PCSK5: variants seen among roughly 807,000 people sequenced by gnomAD.
PCSK5 encodes the protein proprotein convertase subtilisin/kexin type 5, also known as prohormone convertase 5.
In PCSK5, 129 loss-of-function variants were observed where a neutral mutation model predicts 233.2. The observed-to-expected ratio is 0.55, with a 90% CI of 0.48 to 0.64. PCSK5 has a LOEUF of 0.64. PCSK5 is among the 30% of genes least tolerant of loss of function. The pLI is 0.00. For missense variants in PCSK5, 2,076 were observed against 2,430.1 expected (o/e 0.85, Z 3.06); for synonymous variants, 825 against 879.2 (o/e 0.94, Z 1.09).
chr9:76,174,938 A>G, intron 13 of PCSK5, 48 bp from the exon 14 acceptor site: 1 of 1,546,856 alleles, frequency 6.5e-7, no homozygotes, highest in Admixed American at 1.9e-5. Flanking sequence ...TTACAGAGCT[A>G]AAGAGGGAAA....
At chr9:76,022,702 T>C (rs1700641159) in intron 3 of PCSK5, among the ~76,000 whole-genome samples, 1 of 152,216 alleles carries the variant, frequency 6.6e-6, no homozygotes, top group Admixed American at 6.5e-5. Context: ...AATATGTTTG[T>C]ATGTTGTAGC....
intron 3 of PCSK5, among the ~76,000 whole-genome samples, chr9:75,996,818 T>G (rs1036152656): frequency 6.6e-6 from 1 of 151,494 alleles, no homozygotes; most frequent in African/African-American, 2.4e-5. Context: ...TAACAAAGTT[T>G]TTTTTTTTTT....
intron 33 of PCSK5, among the ~76,000 whole-genome samples, chr9:76,329,319 T>G (rs1587337291): frequency 6.6e-6 from 1 of 151,642 alleles, no homozygotes; most frequent in South Asian, 2.1e-4. Context: ...CCATGTCATG[T>G]CCAGCCATTT....
chr9:76,177,280 G>A (rs563352388), intron 14 of PCSK5, among the ~76,000 whole-genome samples: 1,946 of 151,778 alleles, frequency 0.013, 25 homozygotes, highest in Middle Eastern at 0.024. Context: ...GGAACAGAGT[G>A]AGACTCAGTC....
chr9:76,083,995 T>G (rs764686116), intron 7 of PCSK5, among the ~76,000 whole-genome samples: 4 of 152,236 alleles, frequency 2.6e-5, no homozygotes, highest in Non-Finnish European at 4.4e-5. Context: ...TTTGGAATGA[T>G]ATATAGCTAG....
At chr9:76,150,706 G>A (rs573357500) in intron 10 of PCSK5, among the ~76,000 whole-genome samples, 1 of 152,288 alleles carries the variant, frequency 6.6e-6, no homozygotes, top group South Asian at 2.1e-4. Flanking sequence ...ACTACCCCAA[G>A]GGAGTCTGCA....
rs180980800 is a variant in PCSK5 at position 76,208,659 on chromosome 9, T to C, written c.2627-18844T>C. Among the ~76,000 whole-genome samples, 359 of 152,352 alleles carry C rather than the reference T, an allele frequency of 2.4e-3. 4 individuals are homozygous for C. Among genetic ancestry groups the C allele is most frequent in the Non-Finnish European group, 2.7e-3 (186 of 68,034 alleles). On this transcript the variant is annotated intron_variant, in intron 20 of 37. Coordinates refer to ENST00000674117, the MANE Select transcript of PCSK5 (RefSeq NM_001372043.1). ...TCATCTGTTCTTAAAAATATTCTTA[T>C]ACCTCTGGATCCCATTTAACTCTCT...
chr9:76,281,694 G>C (rs1031892739), intron 24 of PCSK5, among the ~76,000 whole-genome samples: 2 of 152,170 alleles, frequency 1.3e-5, no homozygotes, highest in African/African-American at 4.8e-5. Context: ...TGTCACCCAT[G>C]CTGGAGTACA....
At chr9:76,187,958 G>GTGT (rs1188617780) in intron 17 of PCSK5, among the ~76,000 whole-genome samples, 1 of 152,166 alleles carries the variant, frequency 6.6e-6, no homozygotes, top group African/African-American at 2.4e-5. Flanking sequence ...TTTCATTAGA[G>GTGT]TGTTTAAAAT....
intron 24 of PCSK5, among the ~76,000 whole-genome samples, chr9:76,252,391 T>G (rs950852239): frequency 6.6e-6 from 1 of 152,238 alleles, no homozygotes; most frequent in Non-Finnish European, 1.5e-5. Context: ...TCATGCCCAA[T>G]GACATAACTG....
chr9:75,910,139 A>T (rs1391303412), intron 1 of PCSK5, among the ~76,000 whole-genome samples: 1 of 152,180 alleles, frequency 6.6e-6, no homozygotes, highest in Non-Finnish European at 1.5e-5. Context: ...CTCTAGTGGA[A>T]CCTAGTCCAT....
Position 76,274,970 on chromosome 9 carries a change from A to G in PCSK5, c.3143-17263A>G, listed in dbSNP as rs1457764964. 2.6e-5 allele frequency among the ~76,000 whole-genome samples: 4 copies of G among 152,090 alleles called. 1 individual carries two copies. Among genetic ancestry groups the G allele is most frequent in the Non-Finnish European group, 1.5e-5 (1 of 67,986 alleles). On this transcript the variant is annotated intron_variant, in intron 24 of 37. Coordinates refer to ENST00000674117, the MANE Select transcript of PCSK5 (RefSeq NM_001372043.1). ...TTTTGAACAAGCAGCCCTCATAGGA[A>G]CTCTCACGGGAATTAGTAAAGCAAG...
intron 12 of PCSK5, among the ~76,000 whole-genome samples, chr9:76,168,819 C>T (rs951287618): frequency 6.6e-6 from 1 of 152,170 alleles, no homozygotes; most frequent in Non-Finnish European, 1.5e-5. Flanking sequence ...TTACTTTCAA[C>T]ATATAAAACA....
In PCSK5 at chr9:76,321,614, C is replaced by A. The variant is rs941535626; in HGVS notation, c.4077C>A (p.Asp1359Glu). The change falls in exon 31 of 38, where the codon GAC becomes GAA. Residue 1359 changes from aspartate to glutamate, a missense_variant. Transcript: ENST00000674117. Reference protein sequence around the residue: ...VCKHCPEMCQDCIHEKTCKEC... With the variant: ...VCKHCPEMCQECIHEKTCKEC... Reference sequence around the variant, plus strand: ...AGCATTGCCCAGAGATGTGTCAGGACTGCATCCATGAGAAAACATGCAAAG... The same window carrying A: ...AGCATTGCCCAGAGATGTGTCAGGAATGCATCCATGAGAAAACATGCAAAG... The A allele has an allele frequency of 6.2e-7, 1 of 1,611,864 alleles. No individual in the cohort carries two copies. Among genetic ancestry groups the A allele is most frequent in the Non-Finnish European group, 8.5e-7 (1 of 1,179,068 alleles).
chr9:76,167,207 G>T (rs139860071), intron 12 of PCSK5, among the ~76,000 whole-genome samples: 2 of 151,184 alleles, frequency 1.3e-5, no homozygotes, highest in African/African-American at 2.4e-5. Flanking sequence ...CCTCTATTTC[G>T]AGAGGGAACC....
Position 76,096,057 on chromosome 9 carries a change from G to A in PCSK5, c.1062G>A (p.Thr354=), listed in dbSNP as rs1259733880. 6 of 1,614,062 alleles carry A rather than the reference G, an allele frequency of 3.7e-6. No homozygotes were observed. Among genetic ancestry groups the A allele is most frequent in the South Asian group, 1.1e-5 (1 of 91,080 alleles). Residue 354 remains threonine (T), a synonymous_variant, in exon 8 of 38, where the codon ACG becomes ACA. Coordinates refer to ENST00000674117, the MANE Select transcript of PCSK5 (RefSeq NM_001372043.1). The part of the protein sequence containing the change: ...KPWYLEECSS[T]LATTYSSGES... Reference sequence around the variant, plus strand: ...GGTACCTGGAAGAGTGTTCATCCACGCTGGCCACAACCTACAGCAGCGGGG... The same window carrying A: ...GGTACCTGGAAGAGTGTTCATCCACACTGGCCACAACCTACAGCAGCGGGG...
intron 5 of PCSK5, among the ~76,000 whole-genome samples, chr9:76,058,591 C>T (rs868292550): frequency 5.3e-5 from 8 of 151,978 alleles, no homozygotes; most frequent in East Asian, 1.9e-4. Flanking sequence ...GATCAAGGAG[C>T]GTCTCCCTCA....
At chr9:76,041,476 A>T (rs968298350) in intron 5 of PCSK5, among the ~76,000 whole-genome samples, 1 of 152,200 alleles carries the variant, frequency 6.6e-6, no homozygotes, top group Non-Finnish European at 1.5e-5. Context: ...TTTATCTAAA[A>T]CTTAAATCTG....
intron 2 of PCSK5, among the ~76,000 whole-genome samples, chr9:75,978,097 G>A (rs1826107797): frequency 6.6e-6 from 1 of 152,098 alleles, no homozygotes; most frequent in Non-Finnish European, 1.5e-5. Flanking sequence ...TAACTTGACA[G>A]GATTAAGCCT....
Sources: allele counts gnomAD v4.1 joint callset (sites outside exome capture counted in the v4.1 genomes callset), GRCh38; gene constraint gnomAD v4.1.1; transcripts MANE v1.5; gene names NCBI Gene and HGNC (gene_info 2026-07-23, HGNC 2026-07-21).